The following SGCZ variants were observed in gnomAD, a reference collection of about 807,000 sequenced individuals.
The protein encoded by SGCZ is zeta-sarcoglycan.
A neutral mutation model predicts 41.3 loss-of-function variants in SGCZ; 40 were observed. That is an observed-to-expected ratio of 0.97 (90% confidence interval 0.75 to 1.26). The LOEUF is 1.26. Ranked by LOEUF, SGCZ falls within the 50% of genes most tolerant of loss-of-function variation. The pLI is 0.00. For synonymous variants in SGCZ, 206 were observed against 137.5 expected, an observed-to-expected ratio of 1.50 and a Z score of -3.49; for missense variants, 552 against 369.8, an observed-to-expected ratio of 1.49 and a Z score of -4.04.
Position 14,445,324 on chromosome 8 carries a change from G to C in SGCZ, c.234+109408C>G, listed in dbSNP as rs1016405950. Among the ~76,000 whole-genome samples, 142 of 152,130 alleles carry C rather than the reference G, an allele frequency of 9.3e-4. 1 individual carries two copies. The highest frequency in any genetic ancestry group is 3.4e-3 in the African/African-American group (140 of 41,508). ...TCTAAACAATGTATTTTTACTAATC[G>C]AATGTTGCCTTTTCCAAAACTACCT... On this transcript the variant is annotated intron_variant, in intron 2 of 7. Coordinates refer to ENST00000382080, the MANE Select transcript of SGCZ (RefSeq NM_139167.4).
chr8:14,177,958 C>CTTTTTTTTTTT (rs147303437), intron 4 of SGCZ, among the ~76,000 whole-genome samples: 2 of 95,052 alleles, frequency 2.1e-5, no homozygotes, highest in African/African-American at 3.7e-5. Flanking sequence ...CTTTTTTTTT[C>CTTTTTTTTTTT]TTTTTTTTTT....
chr8:14,247,847 T>C (rs1005170128), intron 3 of SGCZ, among the ~76,000 whole-genome samples: 25 of 152,310 alleles, frequency 1.6e-4, no homozygotes, highest in Non-Finnish European at 3.4e-4. Context: ...CCTCAATTGA[T>C]GAGGTCAAAG....
chr8:14,532,456 GAC>G (rs1289066764), intron 2 of SGCZ, among the ~76,000 whole-genome samples: 2 of 151,964 alleles, frequency 1.3e-5, no homozygotes, highest in Admixed American at 6.6e-5. Flanking sequence ...AAATGAAAGA[GAC>G]AGACACTGAA....
chr8:15,191,801 A>C lies in SGCZ; in HGVS notation c.39+45784T>G, dbSNP rs117686846. On this transcript the variant is annotated intron_variant, in intron 1 of 7. Transcript: ENST00000382080. ...GAGTGAAGTCTTTGTTTAAACTTCA[A>C]CTCAGTCCTACCTATTTAATTATAC... 1.1e-3 allele frequency among the ~76,000 whole-genome samples: 170 copies of C among 152,208 alleles called. 1 individual carries two copies. In the East Asian group the frequency reaches 0.031, roughly 27 times the overall value.
chr8:14,666,366 A>C (rs1807910758), intron 1 of SGCZ, among the ~76,000 whole-genome samples: 1 of 152,172 alleles, frequency 6.6e-6, no homozygotes, highest in Non-Finnish European at 1.5e-5. Flanking sequence ...AGGTCTTTAA[A>C]AATCTGTCCT....
intron 2 of SGCZ, among the ~76,000 whole-genome samples, chr8:14,497,179 A>T (rs1802013004): frequency 6.6e-6 from 1 of 152,124 alleles, no homozygotes; most frequent in African/African-American, 2.4e-5. Flanking sequence ...TGGGTAATTT[A>T]TTTTTTAAAA....
In SGCZ at chr8:14,987,955, T is replaced by G. The variant is rs150279469; in HGVS notation, c.39+249630A>C. 3.7e-3 allele frequency among the ~76,000 whole-genome samples: 556 copies of G among 152,082 alleles called. 10 individuals carry two copies. Among genetic ancestry groups the G allele is most frequent in the Admixed American group, 0.027 (415 of 15,260 alleles). On this transcript the variant is annotated intron_variant, in intron 1 of 7. Coordinates refer to ENST00000382080, the MANE Select transcript of SGCZ (RefSeq NM_139167.4). The stretch of plus-strand genomic sequence containing the variant: ...GTCTCAATGTCAAGTAATTCACAAG[T>G]AAAACACAGAGTGAATTTAATTACA...
intron 1 of SGCZ, among the ~76,000 whole-genome samples, chr8:14,872,808 C>G (rs1053386950): frequency 2.0e-5 from 3 of 152,048 alleles, no homozygotes; most frequent in Non-Finnish European, 4.4e-5. Context: ...TTTTATTCAT[C>G]TTTTTATCTA....
At chr8:14,818,830 G>T (rs189067402) in intron 1 of SGCZ, among the ~76,000 whole-genome samples, 1 of 151,952 alleles carries the variant, frequency 6.6e-6, no homozygotes, top group Non-Finnish European at 1.5e-5. Context: ...GCAGAAGATA[G>T]AATTTCTGAT....
chr8:15,157,581 G>A (rs540226071), intron 1 of SGCZ, among the ~76,000 whole-genome samples: 1 of 152,182 alleles, frequency 6.6e-6, no homozygotes, highest in South Asian at 2.1e-4. Context: ...TCAGGACCAG[G>A]AGGCTACCAC....
intron 1 of SGCZ, among the ~76,000 whole-genome samples, chr8:14,871,284 G>A (rs1804140600): frequency 6.6e-6 from 1 of 152,132 alleles, no homozygotes; most frequent in African/African-American, 2.4e-5. Context: ...TACACTGTTG[G>A]TGGGAGTGTA....
intron 1 of SGCZ, among the ~76,000 whole-genome samples, chr8:14,790,330 T>C (rs80029094): frequency 0.014 from 2,149 of 152,298 alleles, 109 homozygotes; most frequent in East Asian, 0.099. Context: ...TTGTAACATA[T>C]AATTAAAAAT....
intron 4 of SGCZ, among the ~76,000 whole-genome samples, chr8:14,200,172 T>C (rs1374801045): frequency 6.6e-6 from 1 of 152,184 alleles, no homozygotes; most frequent in Non-Finnish European, 1.5e-5. Flanking sequence ...ACAAATTCTG[T>C]ATGCTGAAAG....
chr8:14,185,830 G>C (rs551276641), intron 4 of SGCZ, among the ~76,000 whole-genome samples: 8 of 152,172 alleles, frequency 5.3e-5, no homozygotes, highest in Non-Finnish European at 1.0e-4. Flanking sequence ...AAATTGAGCA[G>C]ACCCCTTCTC....
At chr8:14,384,073 T>C (rs1219133565) in intron 2 of SGCZ, among the ~76,000 whole-genome samples, 2 of 152,028 alleles carry the variant, frequency 1.3e-5, no homozygotes, top group Non-Finnish European at 2.9e-5. Context: ...CATTAACTCG[T>C]CATTTAGCAT....
intron 1 of SGCZ, among the ~76,000 whole-genome samples, chr8:14,680,498 A>T (rs183767816): frequency 2.0e-5 from 3 of 152,108 alleles, no homozygotes; most frequent in Non-Finnish European, 4.4e-5. Context: ...TGAACTAAAT[A>T]CTGTTCTAAA....
intron 2 of SGCZ, among the ~76,000 whole-genome samples, chr8:14,406,808 G>T (rs956077761): frequency 4.6e-5 from 7 of 152,108 alleles, no homozygotes; most frequent in Admixed American, 3.3e-4. Flanking sequence ...TTAAAAGTGG[G>T]TATAAATATG....
intron 4 of SGCZ, among the ~76,000 whole-genome samples, chr8:14,217,407 T>A (rs112722213): frequency 4.7e-5 from 7 of 150,410 alleles, no homozygotes; most frequent in African/African-American, 1.5e-4. Context: ...CTATTGTCAA[T>A]CTCCTGGCAT....
At chr8:14,443,308 G>C (rs1044892401) in intron 2 of SGCZ, among the ~76,000 whole-genome samples, 3 of 151,938 alleles carry the variant, frequency 2.0e-5, no homozygotes, top group Middle Eastern at 3.2e-3. Context: ...TGGAAAAAAC[G>C]ACTTTAAAGT....
Sources: allele counts gnomAD v4.1 joint callset (sites outside exome capture counted in the v4.1 genomes callset), GRCh38; gene constraint gnomAD v4.1.1; transcripts MANE v1.5; gene names NCBI Gene and HGNC (gene_info 2026-07-23, HGNC 2026-07-21).